The following AUNIP variants were observed in gnomAD, a reference collection of about 807,000 sequenced individuals.
The protein encoded by AUNIP is aurora kinase A and ninein interacting protein.
AUNIP carries 16 observed loss-of-function variants against 12.2 expected under a neutral mutation model. The ratio of observed to expected loss-of-function variants is 1.31; its 90% CI spans 0.88 to 1.99. The LOEUF is 1.99. AUNIP is among the 30% of genes most tolerant of loss of function. The pLI, the probability that AUNIP is intolerant of heterozygous loss-of-function variation, is 0.00. For missense variants in AUNIP, 411 were observed against 419.1 expected (o/e 0.98, Z 0.17); for synonymous variants, 142 against 154.8 (o/e 0.92, Z 0.61).
intron 2 of AUNIP, among the ~76,000 whole-genome samples, chr1:25,836,237 A>G (rs1290727139): frequency 6.6e-6 from 1 of 152,242 alleles, no homozygotes; most frequent in Non-Finnish European, 1.5e-5. Context: ...GATCCTGGTC[A>G]AATATACATT....
At chr1:25,845,673 T>G (rs1252259367) in intron 1 of AUNIP, among the ~76,000 whole-genome samples, 39 of 152,166 alleles carry the variant, frequency 2.6e-4, no homozygotes, top group Non-Finnish European at 1.5e-5. Context: ...GAACTTAATA[T>G]AGCTTAATAC....
chr1:25,837,695 G>A, intron 1 of AUNIP, 141 bp from the exon 2 acceptor site: 1 of 792,178 alleles, frequency 1.3e-6, no homozygotes, highest in Non-Finnish European at 1.8e-6. Context: ...AAGGTAGTTG[G>A]TGCTGGACAT....
rs1411204942 is a variant in AUNIP at position 25,847,907 on chromosome 1, C to G, written c.79-10353G>C. On this transcript the variant is annotated intron_variant, in intron 1 of 2. Coordinates refer to ENST00000374298, the MANE Select transcript of AUNIP (RefSeq NM_024037.3). This position sits in a 1 kb window ranked among gnomAD's most constrained non-coding sequence, Gnocchi z 4.2. ...TTGCAGTGAGCCAAGATCACGCCACCGCACTCTAGCCTGGGTGACAGAGTG... is the reference window on the plus strand; with the variant it reads ...TTGCAGTGAGCCAAGATCACGCCACGGCACTCTAGCCTGGGTGACAGAGTG... 1.3e-5 allele frequency among the ~76,000 whole-genome samples: 2 copies of G among 151,892 alleles called. No individual in the cohort carries two copies. The highest frequency in any genetic ancestry group is 2.9e-5 in the Non-Finnish European group (2 of 67,956).
intron 1 of AUNIP, among the ~76,000 whole-genome samples, chr1:25,842,971 A>T (rs1330480201): frequency 1.3e-5 from 2 of 152,170 alleles, no homozygotes; most frequent in East Asian, 3.9e-4. Flanking sequence ...GCTTGAGCCT[A>T]GGAGTTTGAG....
intron 1 of AUNIP, among the ~76,000 whole-genome samples, chr1:25,855,880 T>G (rs540676538): frequency 5.3e-5 from 8 of 152,290 alleles, no homozygotes; most frequent in African/African-American, 1.7e-4. Context: ...ACAAGTATCT[T>G]TGGGAATCAA....
chr1:25,835,960 C>G, intron 2 of AUNIP, 114 bp from the exon 3 acceptor site: 1 of 1,425,892 alleles, frequency 7.0e-7, no homozygotes, highest in Non-Finnish European at 9.3e-7. Context: ...GTGCAGGAGT[C>G]TTAAGACTCT....
At chr1:25,854,755 T>C (rs546871792) in intron 1 of AUNIP, among the ~76,000 whole-genome samples, 7 of 152,218 alleles carry the variant, frequency 4.6e-5, no homozygotes, top group African/African-American at 1.7e-4. Flanking sequence ...ATTCAAAATA[T>C]CAACTAGAGG....
intron 1 of AUNIP, 65 bp downstream of exon 1, chr1:25,859,215 C>G (rs2048486722): frequency 8.1e-5 from 123 of 1,514,584 alleles, no homozygotes; most frequent in Non-Finnish European, 1.1e-4. Flanking sequence ...CCCCCAAACT[C>G]CTCCCGTCTT....
chr1:25,841,123 G>A (rs995459468), intron 1 of AUNIP, among the ~76,000 whole-genome samples: 5 of 152,086 alleles, frequency 3.3e-5, no homozygotes, highest in Admixed American at 6.5e-5. Flanking sequence ...GTCAGAGTGC[G>A]GTCAGAACTG....
In AUNIP at chr1:25,855,343, AT is replaced by A. The variant is rs562243227; in HGVS notation, c.78+3936del. ...CCTCCGCCCATGATAAACTTTTTTT[AT>A]TTTTTGTGGAGTTGGGGTCTCATTA... is the stretch of plus-strand genomic sequence containing the variant. On this transcript the variant is annotated intron_variant, in intron 1 of 2. Coordinates refer to ENST00000374298, the MANE Select transcript of AUNIP (RefSeq NM_024037.3). Among the ~76,000 whole-genome samples the A allele has an allele frequency of 2.6e-3, 397 of 152,034 alleles. 2 individuals are homozygous for A. Among genetic ancestry groups the A allele is most frequent in the African/African-American group, 8.9e-3 (370 of 41,488 alleles).
rs372103109 is a variant in AUNIP, at chr1:25,837,396, C to T, written c.220+17G>A. The T allele has an allele frequency of 2.0e-5, 33 of 1,610,292 alleles. No homozygotes were observed. Among genetic ancestry groups the T allele is most frequent in the African/African-American group, 2.7e-5 (2 of 74,712 alleles). On this transcript the variant is annotated intron_variant, in intron 2 of 2. Transcript: ENST00000374298. Reference sequence around the variant, plus strand: ...TTTGCTCTGGATAATGAAGTATTCCCATATGGGTCACCATACCTGGCTGCA... The same window carrying T: ...TTTGCTCTGGATAATGAAGTATTCCTATATGGGTCACCATACCTGGCTGCA...
At position 25,859,354 on chromosome 1, in the gene AUNIP, T is replaced by C. The variant is rs917335233; in HGVS notation, c.4A>G (p.Arg2Gly). Reference protein sequence around the residue: MRRTGPEEEACG... With the variant: MGRTGPEEEACG... Reference sequence around the variant, plus strand: ...GCCTCCTCCTCGGGGCCTGTCCGCCTCATGGCCGCTGAGGAGACGAAGCCG... The same window carrying C: ...GCCTCCTCCTCGGGGCCTGTCCGCCCCATGGCCGCTGAGGAGACGAAGCCG... Residue 2 changes from arginine (R) to glycine (G), a missense_variant, in exon 1 of 3, where the codon AGG becomes GGG. By Grantham distance (125) the Arg-to-Gly change is moderately radical (BLOSUM62 -2). Coordinates refer to ENST00000374298, the MANE Select transcript of AUNIP (RefSeq NM_024037.3). 6.5e-6 allele frequency: 10 copies of C among 1,537,156 alleles called. No individual in the cohort carries two copies. In the Admixed American group the frequency reaches 1.0e-4, roughly 15 times the overall value.
chr1:25,859,342 G>C lies in AUNIP; in HGVS notation c.16C>G (p.Pro6Ala). 1 of 1,550,704 alleles carries C rather than the reference G, an allele frequency of 6.4e-7. No homozygotes were observed. The highest frequency in any genetic ancestry group is 8.7e-7 in the Non-Finnish European group (1 of 1,150,692). The change falls in exon 1 of 3, where the codon CCC becomes GCC. Residue 6 changes from proline to alanine, a missense_variant. Transcript: ENST00000374298. MRRTG[P>A]EEEACGVWLD... ...CACACGCCGCAGGCCTCCTCCTCGGGGCCTGTCCGCCTCATGGCCGCTGAG... is the reference window on the plus strand; with the variant it reads ...CACACGCCGCAGGCCTCCTCCTCGGCGCCTGTCCGCCTCATGGCCGCTGAG...
chr1:25,849,384 G>A (rs1428803806), intron 1 of AUNIP, among the ~76,000 whole-genome samples: 1 of 152,086 alleles, frequency 6.6e-6, no homozygotes, highest in African/African-American at 2.4e-5. Flanking sequence ...TCCCCCAAAA[G>A]AAACCCTCTA....
chr1:25,858,421 C>G (rs1195192193), intron 1 of AUNIP, among the ~76,000 whole-genome samples: 1 of 152,180 alleles, frequency 6.6e-6, no homozygotes, highest in Non-Finnish European at 1.5e-5. Flanking sequence ...CCCCTAGTGT[C>G]TGTTTTGAGC....
downstream of AUNIP, chr1:25,831,923 AC>A (rs1414553299): frequency 2.5e-6 from 4 of 1,613,680 alleles, no homozygotes; most frequent in Non-Finnish European, 2.5e-6. Flanking sequence ...GTCTCTAGGA[AC>A]CGGAGTTTAT....
intron 1 of AUNIP, among the ~76,000 whole-genome samples, chr1:25,846,703 G>A (rs752798546): frequency 2.6e-5 from 4 of 152,202 alleles, no homozygotes; most frequent in Admixed American, 6.5e-5. Flanking sequence ...GGGCAGCTAA[G>A]CGAGACTCCG....
chr1:25,835,608 T>C lies in AUNIP; in HGVS notation c.459A>G (p.Leu153=), dbSNP rs2048295353. 1.9e-6 allele frequency: 3 copies of C among 1,614,196 alleles called. No homozygotes were observed. Among genetic ancestry groups the C allele is most frequent in the Non-Finnish European group, 1.7e-6 (2 of 1,180,040 alleles). The change falls in exon 3 of 3, where the codon CTA becomes CTG. Residue 153 remains leucine (L), a synonymous_variant. Coordinates refer to ENST00000374298, the MANE Select transcript of AUNIP (RefSeq NM_024037.3). ...HRMKTPFSTE[L]SLLQPDTPDC... is the part of the protein sequence containing the mutation. ...CTGGAGTATCAGGCTGGAGCAAAGA[T>C]AGCTCAGTTGAAAATGGGGTTTTCA...
At chr1:25,848,483 C>CAAAAA (rs761716480) in intron 1 of AUNIP, among the ~76,000 whole-genome samples, 9 of 62,452 alleles carry the variant, frequency 1.4e-4, no homozygotes, top group African/African-American at 3.4e-4. Flanking sequence ...AACTCCGTCT[C>CAAAAA]AAAAAAAAAA....
Sources: allele counts gnomAD v4.1 joint callset (sites outside exome capture counted in the v4.1 genomes callset), GRCh38; gene constraint gnomAD v4.1.1; non-coding constraint Gnocchi (gnomAD v3.1); transcripts MANE v1.5; gene names NCBI Gene and HGNC (gene_info 2026-07-23, HGNC 2026-07-21).